Variants in ARHGAP24 observed in about 807,000 individuals in gnomAD.
The protein encoded by ARHGAP24 is Rho GTPase activating protein 24.
In ARHGAP24, 50 loss-of-function variants were observed where a neutral mutation model predicts 76.4. That is an observed-to-expected ratio of 0.65 (90% confidence interval 0.52 to 0.83). ARHGAP24 has a LOEUF of 0.83. Ranked by LOEUF, ARHGAP24 falls within the 40% of genes least tolerant of loss-of-function variation. The probability of loss-of-function intolerance (pLI) is 0.00; values close to 1 mark genes in which losing one functional copy is unlikely to be tolerated. For synonymous variants in ARHGAP24, 345 were observed against 323.3 expected (o/e 1.07, Z -0.72); for missense variants, 930 against 914.2 (o/e 1.02, Z -0.22).
chr4:85,930,431 G>A, intron 4 of ARHGAP24: 1 of 986,492 alleles, frequency 1.0e-6, no homozygotes, highest in Non-Finnish European at 1.2e-6. Context: ...CTCTTGCTCA[G>A]ATGAAAGGAG....
Position 85,845,890 on chromosome 4 carries a change from AT to A in ARHGAP24, c.269-77750del, listed in dbSNP as rs542795162. 4.2e-4 allele frequency among the ~76,000 whole-genome samples: 64 copies of A among 151,910 alleles called. No homozygotes were observed. In the South Asian group the frequency reaches 9.8e-3, roughly 23 times the overall value. On this transcript the variant is annotated intron_variant, in intron 3 of 9. Coordinates refer to ENST00000395184, the MANE Select transcript of ARHGAP24 (RefSeq NM_001025616.3). ...GAGGTTGTTTAAATTTAAGAATATA[AT>A]TTTTTTTCTTTTTCTTTTTCTTTTT...
At chr4:85,501,964 A>G (rs1200517828) in intron 1 of ARHGAP24, among the ~76,000 whole-genome samples, 2 of 152,008 alleles carry the variant, frequency 1.3e-5, no homozygotes, top group Non-Finnish European at 2.9e-5. Context: ...TCCCAGCCCT[A>G]TTTATTAAAT....
chr4:85,705,301 T>G (rs1724271449), intron 2 of ARHGAP24, among the ~76,000 whole-genome samples: 1 of 152,138 alleles, frequency 6.6e-6, no homozygotes, highest in Non-Finnish European at 1.5e-5. Flanking sequence ...GATACTATAT[T>G]TTAAATTTTA....
At chr4:85,780,470 C>G (rs540833450) in intron 3 of ARHGAP24, among the ~76,000 whole-genome samples, 3 of 151,806 alleles carry the variant, frequency 2.0e-5, no homozygotes, top group African/African-American at 7.3e-5. Context: ...CTGCGCCCAG[C>G]CTTTTTTTAA....
chr4:85,898,018 C>A (rs896973436), intron 3 of ARHGAP24, among the ~76,000 whole-genome samples: 1 of 123,674 alleles, frequency 8.1e-6, no homozygotes, highest in Non-Finnish European at 1.6e-5. Context: ...TATATATATA[C>A]ACACACATAT....
At chr4:85,889,320 T>C (rs1319835077) in intron 3 of ARHGAP24, among the ~76,000 whole-genome samples, 1 of 152,214 alleles carries the variant, frequency 6.6e-6, no homozygotes, top group African/African-American at 2.4e-5. Flanking sequence ...GAATTCCTTA[T>C]TTACTACATG....
intron 2 of ARHGAP24, among the ~76,000 whole-genome samples, chr4:85,664,972 A>G (rs889598882): frequency 2.0e-5 from 3 of 151,696 alleles, no homozygotes; most frequent in African/African-American, 4.9e-5. Context: ...TATGGTGCTG[A>G]AAAAAAACAT....
chr4:85,583,071 AAAAATTTG>A (rs1180351260), intron 2 of ARHGAP24, among the ~76,000 whole-genome samples: 3 of 152,134 alleles, frequency 2.0e-5, no homozygotes, highest in Non-Finnish European at 4.4e-5. Flanking sequence ...ATGTCTGTCA[AAAAATTTG>A]AAAATTTTTG....
At chr4:85,505,048 T>C (rs1723989137) in intron 1 of ARHGAP24, among the ~76,000 whole-genome samples, 1 of 152,152 alleles carries the variant, frequency 6.6e-6, no homozygotes, top group Non-Finnish European at 1.5e-5. Flanking sequence ...GAATATTGGC[T>C]CCCACTCTCT....
chr4:85,730,044 A>G (rs1725341745), intron 3 of ARHGAP24, among the ~76,000 whole-genome samples: 1 of 152,190 alleles, frequency 6.6e-6, no homozygotes, highest in Non-Finnish European at 1.5e-5. Context: ...CCTCAAAATC[A>G]TGATTCAGGA....
chr4:85,864,727 T>C (rs345351), intron 3 of ARHGAP24, among the ~76,000 whole-genome samples: 144,805 of 152,016 alleles, frequency 0.95, 69,429 homozygotes, highest in East Asian at 1. Context: ...TTCCATGAGC[T>C]ACGCCCATCT....
intron 3 of ARHGAP24, among the ~76,000 whole-genome samples, chr4:85,799,392 T>A (rs1728490033): frequency 6.6e-6 from 1 of 152,024 alleles, no homozygotes; most frequent in Non-Finnish European, 1.5e-5. Context: ...ATGTTCAAAG[T>A]GGGAATAATT....
At chr4:85,483,696 G>A (rs1722906993) in intron 1 of ARHGAP24, among the ~76,000 whole-genome samples, 1 of 152,142 alleles carries the variant, frequency 6.6e-6, no homozygotes, top group African/African-American at 2.4e-5. Flanking sequence ...TTGTGTGTGT[G>A]TGTGTGCATT....
intron 8 of ARHGAP24, among the ~76,000 whole-genome samples, chr4:85,989,614 G>A (rs1740205836): frequency 6.6e-6 from 1 of 151,610 alleles, no homozygotes; most frequent in African/African-American, 2.4e-5. Flanking sequence ...TATCCCTCAT[G>A]AATATAGACA....
rs551788186 is a variant in ARHGAP24, at chr4:85,987,664, A to T, written c.929-6919A>T. On this transcript the variant is annotated intron_variant, in intron 8 of 9. Transcript: ENST00000395184. ...TTCTAAGGATGAAAATTATCACTTA[A>T]GTGAATATTACACTCGATGAGATTA... Among the ~76,000 whole-genome samples, 10 of 152,176 alleles carry T rather than the reference A, an allele frequency of 6.6e-5. No homozygotes were observed. In the South Asian group the frequency reaches 2.1e-3, roughly 32 times the overall value.
chr4:85,654,751 T>A (rs1450085892), intron 2 of ARHGAP24, among the ~76,000 whole-genome samples: 1 of 152,214 alleles, frequency 6.6e-6, no homozygotes, highest in Non-Finnish European at 1.5e-5. Flanking sequence ...CAGCTCCTTA[T>A]CCTAGCTACT....
At chr4:85,886,796 C>A (rs1733592427) in intron 3 of ARHGAP24, among the ~76,000 whole-genome samples, 1 of 152,094 alleles carries the variant, frequency 6.6e-6, no homozygotes, top group South Asian at 2.1e-4. Context: ...ATACTCCACA[C>A]TGATATGAAA....
chr4:85,785,075 G>A (rs1727768661), intron 3 of ARHGAP24, among the ~76,000 whole-genome samples: 1 of 152,106 alleles, frequency 6.6e-6, no homozygotes, highest in Non-Finnish European at 1.5e-5. Flanking sequence ...AGCAGAGGCT[G>A]TAAAGTTGAA....
intron 3 of ARHGAP24, among the ~76,000 whole-genome samples, chr4:85,872,595 C>CTTT (rs5860005): frequency 0.031 from 2,250 of 73,122 alleles, 170 homozygotes; most frequent in African/African-American, 0.053. Context: ...TGCATCTGGC[C>CTTT]TTTTTTTTTT....
Sources: allele counts gnomAD v4.1 joint callset (sites outside exome capture counted in the v4.1 genomes callset), GRCh38; gene constraint gnomAD v4.1.1; transcripts MANE v1.5; gene names NCBI Gene and HGNC (gene_info 2026-07-23, HGNC 2026-07-21).